The following PSEN2 variants were observed in gnomAD, a reference collection of about 807,000 sequenced individuals.
PSEN2 encodes the protein presenilin 2.
PSEN2 carries 32 observed loss-of-function variants against 49.1 expected under a neutral mutation model. The observed-to-expected ratio is 0.65, with a 90% confidence interval of 0.49 to 0.88. The LOEUF (loss-of-function observed/expected upper bound fraction) is 0.88, where lower values mean the gene tolerates loss of function less well. Ranked by LOEUF, PSEN2 falls within the 40% of genes least tolerant of loss-of-function variation. The pLI is 0.00. For synonymous variants in PSEN2, 255 were observed against 244.0 expected, an observed-to-expected ratio of 1.05 and a Z score of -0.42; for missense variants, 522 against 586.9, an observed-to-expected ratio of 0.89 and a Z score of 1.14.
downstream of PSEN2, chr1:226,899,427 G>A (rs779382733): frequency 6.6e-6 from 1 of 152,190 alleles, no homozygotes; most frequent in Non-Finnish European, 1.5e-5. Flanking sequence ...GCTCTCTACT[G>A]TTAATAGAAC....
At chr1:226,899,341 T>C (rs754203060), downstream of PSEN2, 1 of 152,212 alleles carries the variant, frequency 6.6e-6, no homozygotes, top group Non-Finnish European at 1.5e-5. Flanking sequence ...TACTGAACAG[T>C]CTCTCCTTTC....
chr1:226,895,319 G>T (rs531253119), intron 12 of PSEN2, 105 bp from the exon 13 acceptor site: 2 of 1,352,376 alleles, frequency 1.5e-6, no homozygotes, highest in South Asian at 2.4e-5. Flanking sequence ...GCCGTTATCC[G>T]ACTGGTCCTC....
intron 2 of PSEN2, among the ~76,000 whole-genome samples, chr1:226,873,033 C>T (rs1019391188): frequency 1.2e-4 from 19 of 152,004 alleles, no homozygotes; most frequent in East Asian, 3.9e-4. Context: ...CAAAATTAGC[C>T]GGGCGTGGTG....
chr1:226,889,365 C>T (rs1661587732), intron 8 of PSEN2, among the ~76,000 whole-genome samples: 1 of 152,168 alleles, frequency 6.6e-6, no homozygotes, highest in Non-Finnish European at 1.5e-5. Flanking sequence ...CAACCTCCGC[C>T]TCCCGGGTTC....
intron 3 of PSEN2, among the ~76,000 whole-genome samples, chr1:226,880,194 G>A (rs887243499): frequency 3.9e-5 from 6 of 152,148 alleles, no homozygotes; most frequent in African/African-American, 1.4e-4. Context: ...GGGCAACAAC[G>A]TGAGACCCTC....
chr1:226,894,229 C>T lies in PSEN2; in HGVS notation c.1191+104C>T, dbSNP rs115236371. On this transcript the variant is annotated intron_variant, in intron 12 of 12. Coordinates refer to ENST00000366783, the MANE Select transcript of PSEN2 (RefSeq NM_000447.3). ...GATCCCTAGGGATTTTTCATTTCTT[C>T]TCTTCCCTCTGAGGGACAAGAGCAG... 2,249 of 798,042 alleles carry T rather than the reference C, an allele frequency of 2.8e-3. 29 individuals are homozygous for T. The African/African-American group carries it at 0.033, about 12-fold the overall frequency. The allele number at this position is 798,042 out of a possible 1,614,324, so 49.4% of individuals were successfully genotyped here. A position where few individuals can be genotyped will look rare whatever the true frequency, so the allele number is the denominator to read the frequency against.
intron 2 of PSEN2, 127 bp downstream of exon 2, chr1:226,871,531 G>A (rs1190370545): frequency 6.6e-6 from 1 of 152,260 alleles, no homozygotes; most frequent in Non-Finnish European, 1.5e-5. Context: ...GGTATGAACG[G>A]TGTTGAGTGA....
At chr1:226,882,580 T>C (rs1337086859) in intron 4 of PSEN2, among the ~76,000 whole-genome samples, 36 of 152,174 alleles carry the variant, frequency 2.4e-4, no homozygotes, top group Non-Finnish European at 1.0e-4. Context: ...TTGTGTCCTT[T>C]CTCTCCCGAT....
intron 11 of PSEN2, among the ~76,000 whole-genome samples, chr1:226,892,227 G>T (rs776216298): frequency 6.6e-6 from 1 of 152,162 alleles, no homozygotes; most frequent in Non-Finnish European, 1.5e-5. Flanking sequence ...GGTTGGCAGG[G>T]GTGAGAGAAA....
intron 3 of PSEN2, among the ~76,000 whole-genome samples, chr1:226,881,099 T>A (rs1008557174): frequency 3.3e-5 from 5 of 152,220 alleles, no homozygotes; most frequent in African/African-American, 7.2e-5. Context: ...TTCTGGACTC[T>A]GCCCTCACTT....
At chr1:226,897,945 C>T (rs1800673), downstream of PSEN2, 41,313 of 154,628 alleles carry the variant, frequency 0.27, 5,919 homozygotes, top group African/African-American at 0.36. Flanking sequence ...ATAAATGTAG[C>T]TCCAGTTCAT....
intron 3 of PSEN2, among the ~76,000 whole-genome samples, chr1:226,878,842 GAAT>G (rs1660797940): frequency 6.6e-6 from 1 of 152,156 alleles, no homozygotes; most frequent in South Asian, 2.1e-4. Context: ...GCTGCAGATG[GAAT>G]ATTATGATTT....
At chr1:226,890,637 A>T (rs1282908154) in intron 9 of PSEN2, 1 of 225,300 alleles carries the variant, frequency 4.4e-6, no homozygotes, top group Non-Finnish European at 8.9e-6. Flanking sequence ...AGGCACATCA[A>T]GTCCCCATTT....
chr1:226,878,584 G>T (rs1003058070), intron 3 of PSEN2, among the ~76,000 whole-genome samples: 5 of 152,148 alleles, frequency 3.3e-5, no homozygotes, highest in Non-Finnish European at 7.3e-5. Flanking sequence ...AGCTGTTGTG[G>T]GTCTGAAGGG....
In PSEN2 at chr1:226,881,934, C is replaced by T. The variant is rs201692678; in HGVS notation, c.27C>T (p.Ser9=). Residue 9 remains serine (S), a synonymous_variant, in exon 4 of 13, where the codon AGC becomes AGT. Transcript: ENST00000366783. MLTFMASD[S]EEEVCDERTS... The stretch of plus-strand genomic sequence containing the variant: ...TGCTCACATTCATGGCCTCTGACAG[C>T]GAGGAAGAAGTGTGTGATGAGCGGA... 17 of 1,614,156 alleles carry T rather than the reference C, an allele frequency of 1.1e-5. No individual in the cohort carries two copies. Among genetic ancestry groups the T allele is most frequent in the African/African-American group, 1.3e-5 (1 of 75,032 alleles).
rs1661135794 is a variant in PSEN2 at position 226,883,602 on chromosome 1, G to C, written c.142-103G>C. 7.2e-6 allele frequency: 8 copies of C among 1,107,896 alleles called. No individual in the cohort carries two copies. In the Admixed American group the frequency reaches 1.6e-4, roughly 22 times the overall value. 68.6% of individuals were successfully genotyped at this position (1,107,896 alleles called of 1,614,324 possible). On this transcript the variant is annotated intron_variant, in intron 4 of 12. Transcript: ENST00000366783. ...ATAGACTGCTCCTTATATCTGGAAA[G>C]CAACATTCAAACTTCTCATTTCTGG...
chr1:226,891,349 G>A lies in PSEN2; in HGVS notation c.958G>A (p.Asp320Asn), dbSNP rs565698726. 6.2e-6 allele frequency: 10 copies of A among 1,612,982 alleles called. No individual in the cohort carries two copies. Among genetic ancestry groups the A allele is most frequent in the African/African-American group, 2.7e-5 (2 of 75,042 alleles). ...TCAGGGTGCCCTCCAGCTCCCCTAC[G>A]ACCCGGAGATGGGTGAGTATCTTGG... ...SSQGALQLPY[D>N]PEMEEDSYDS... Residue 320 changes from aspartate to asparagine, a missense_variant, in exon 10 of 13, where the codon GAC becomes AAC. Asp to Asn is a conservative substitution (Grantham distance 23). Transcript: ENST00000366783.
At chr1:226,876,123 G>A (rs569285417) in intron 3 of PSEN2, among the ~76,000 whole-genome samples, 5 of 152,204 alleles carry the variant, frequency 3.3e-5, no homozygotes, top group Non-Finnish European at 7.4e-5. Context: ...TCAGCCTCCG[G>A]GGAGAGTTCA....
intron 11 of PSEN2, among the ~76,000 whole-genome samples, chr1:226,893,086 C>T (rs1661868179): frequency 1.3e-5 from 2 of 151,414 alleles, no homozygotes; most frequent in African/African-American, 2.5e-5. Context: ...GCACGTGCTA[C>T]CACACCTGGC....
Sources: allele counts gnomAD v4.1 joint callset (sites outside exome capture counted in the v4.1 genomes callset), GRCh38; gene constraint gnomAD v4.1.1; transcripts MANE v1.5; gene names NCBI Gene and HGNC (gene_info 2026-07-23, HGNC 2026-07-21).